The following SIM2 variants were observed in gnomAD, a reference collection of about 807,000 sequenced individuals.
The protein encoded by SIM2 is single-minded homolog 2.
A neutral mutation model predicts 64.8 loss-of-function variants in SIM2; 28 were observed. The ratio of observed to expected loss-of-function variants is 0.43; its 90% CI spans 0.32 to 0.59. The LOEUF is 0.59. SIM2 is among the 20% of genes least tolerant of loss of function. The pLI, the probability that SIM2 is intolerant of heterozygous loss-of-function variation, is 0.07. For missense variants in SIM2, 847 were observed against 871.4 expected (o/e 0.97, Z 0.35); for synonymous variants, 408 against 391.1 (o/e 1.04, Z -0.51).
chr21:36,729,286 G>A (rs567727975), intron 6 of SIM2, among the ~76,000 whole-genome samples: 1 of 152,250 alleles, frequency 6.6e-6, no homozygotes, highest in South Asian at 2.1e-4. Flanking sequence ...GCCACACAGA[G>A]TTAGATTCTG....
intron 7 of SIM2, among the ~76,000 whole-genome samples, chr21:36,737,982 A>AAAAAAAAAAAAAAAAAAAAAAAG (rs2089095780): frequency 5.6e-5 from 5 of 88,790 alleles, no homozygotes; most frequent in Admixed American, 1.0e-4. Context: ...AAAAAAAAAA[A>AAAAAAAAAAAAAAAAAAAAAAAG]GCAAAAAAAA....
chr21:36,715,274 C>CA (rs1274202350), intron 3 of SIM2, among the ~76,000 whole-genome samples: 1 of 152,182 alleles, frequency 6.6e-6, no homozygotes, highest in East Asian at 1.9e-4. Flanking sequence ...TAGGCAGAAT[C>CA]ACAATGTGTA....
intron 7 of SIM2, among the ~76,000 whole-genome samples, chr21:36,740,500 G>A (rs1407790390): frequency 2.0e-5 from 3 of 151,916 alleles, no homozygotes; most frequent in African/African-American, 2.4e-5. Flanking sequence ...CAATCTGTAC[G>A]AACCCCCTAT....
chr21:36,745,494 A>AT lies in SIM2; in HGVS notation c.1576+358_1576+359insT. ...ACACCCCAGCTGCATTTCTTTTGCAAGATTCCTTTCCACTCCAACCAGAAG... is the reference window on the plus strand; with the variant it reads ...ACACCCCAGCTGCATTTCTTTTGCAATGATTCCTTTCCACTCCAACCAGAAG... On this transcript the variant is annotated intron_variant, in intron 10 of 10. Coordinates refer to ENST00000290399, the MANE Select transcript of SIM2 (RefSeq NM_005069.6). This position sits in a 1 kb window ranked among gnomAD's most constrained non-coding sequence, Gnocchi z 4.8. The AT allele has an allele frequency of 1.7e-6, 2 of 1,158,582 alleles. No homozygotes were observed. The highest frequency in any genetic ancestry group is 2.2e-5 in the South Asian group (1 of 46,316). 71.8% of individuals were successfully genotyped at this position (1,158,582 alleles called of 1,614,324 possible).
In SIM2 at chr21:36,721,858, T is replaced by C. The variant is rs550717422; in HGVS notation, c.458-1187T>C. Among the ~76,000 whole-genome samples, 237 of 152,318 alleles carry C rather than the reference T, an allele frequency of 1.6e-3. 5 individuals carry two copies. The highest frequency in any genetic ancestry group is 5.4e-3 in the African/African-American group (226 of 41,570). On this transcript the variant is annotated intron_variant, in intron 4 of 10. Transcript: ENST00000290399. ...GATTATAAATGAGAGCAAATGAGTC[T>C]TGGGAATATCATGAGACCCTTTCAT...
chr21:36,747,659 C>T lies in SIM2; in HGVS notation c.1577-6C>T. On this transcript the variant is annotated splice_polypyrimidine_tract_variant and splice_region_variant and intron_variant, in intron 10 of 10. Transcript: ENST00000290399. The surrounding 1 kb of genome is among the most constrained non-coding windows in gnomAD (Gnocchi z 4.5). ...CTGCCCTCTAACGTGTCGCCTGTCC[C>T]CGCAGCGCCCGCCGCCGCCGTGCGC... 1.6e-6 allele frequency: 2 copies of T among 1,247,142 alleles called. No individual in the cohort carries two copies. The highest frequency in any genetic ancestry group is 2.0e-6 in the Non-Finnish European group (2 of 996,676). 77.3% of individuals were successfully genotyped at this position (1,247,142 alleles called of 1,614,324 possible).
At chr21:36,736,939 T>C (rs2089067698) in intron 7 of SIM2, among the ~76,000 whole-genome samples, 1 of 151,958 alleles carries the variant, frequency 6.6e-6, no homozygotes, top group Admixed American at 6.6e-5. Flanking sequence ...TCATTTTTAT[T>C]TTTTAGAGAC....
chr21:36,702,331 G>A (rs1245365422), intron 1 of SIM2, among the ~76,000 whole-genome samples: 1 of 152,220 alleles, frequency 6.6e-6, no homozygotes, highest in African/African-American at 2.4e-5. Flanking sequence ...TGGCCCTAGA[G>A]TTTTGGAAAG....
chr21:36,726,190 C>G lies in SIM2; in HGVS notation c.615C>G (p.Tyr205Ter). 6.2e-7 allele frequency: 1 copy of G among 1,614,078 alleles called. No individual in the cohort carries two copies. The highest frequency in any genetic ancestry group is 8.5e-7 in the Non-Finnish European group (1 of 1,180,042). Residue 205 changes from tyrosine to a stop codon, truncating the protein, a stop_gained, in exon 6 of 11, where the codon TAC becomes TAG. Transcript: ENST00000290399. LOFTEE classifies it high-confidence loss of function. The surrounding 1 kb of genome is among the most constrained non-coding windows in gnomAD (Gnocchi z 4.5). Reference protein sequence around the residue: ...MLDMSLYDSCYQIVGLVAVGQ... With the variant: ...MLDMSLYDSC ...ACATGTCCCTGTACGACTCCTGCTA[C>G]CAGATTGTGGGGCTGGTGGCCGTGG...
At chr21:36,718,388 T>G (rs973656463) in intron 3 of SIM2, among the ~76,000 whole-genome samples, 2 of 152,194 alleles carry the variant, frequency 1.3e-5, no homozygotes, top group African/African-American at 4.8e-5. Flanking sequence ...ATGGCCACTT[T>G]GCAGATAATC....
chr21:36,726,943 C>T lies in SIM2; in HGVS notation c.743+625C>T, dbSNP rs1347932653. Among the ~76,000 whole-genome samples the T allele has an allele frequency of 6.6e-6, 1 of 152,170 alleles. No individual in the cohort carries two copies. The highest frequency in any genetic ancestry group is 6.5e-5 in the Admixed American group (1 of 15,276). On this transcript the variant is annotated intron_variant, in intron 6 of 10. Coordinates refer to ENST00000290399, the MANE Select transcript of SIM2 (RefSeq NM_005069.6). The surrounding 1 kb of genome is among the most constrained non-coding windows in gnomAD (Gnocchi z 4.5). Reference sequence around the variant, plus strand: ...CTCTCCAGACCCGTGCTGGAGTGGCCTTCACTCTCCCCTAGAACCGGCTGC... The same window carrying T: ...CTCTCCAGACCCGTGCTGGAGTGGCTTTCACTCTCCCCTAGAACCGGCTGC...
Position 36,747,803 on chromosome 21 carries a change from C to A in SIM2, c.1715C>A (p.Ala572Glu), listed in dbSNP as rs2089250543. ...GCCGCCCGGGACGGGGCGCGGCTGG[C>A]GCTGGCCCGCGCGGCACCCGAGTGC... is the stretch of plus-strand genomic sequence containing the variant. ...RQAARDGARL[A>E]LARAAPECCA... Residue 572 changes from alanine to glutamate, a missense_variant, in exon 11 of 11, where the codon GCG becomes GAG. Physicochemically the swap from Ala to Glu is moderately radical, Grantham distance 107. This residue lies in a region of SIM2 where 447 missense variants were observed against 414.6 expected (regional missense o/e 1.08). Transcript: ENST00000290399. This position sits in a 1 kb window ranked among gnomAD's most constrained non-coding sequence, Gnocchi z 4.5. 9.6e-7 allele frequency: 1 copy of A among 1,037,818 alleles called. No homozygotes were observed. Among genetic ancestry groups the A allele is most frequent in the Non-Finnish European group, 1.2e-6 (1 of 867,614 alleles). The allele number at this position is 1,037,818 out of a possible 1,614,324, so 64.3% of individuals were successfully genotyped here.
chr21:36,744,825 A>T lies in SIM2; in HGVS notation c.1265A>T (p.Gln422Leu). 1 of 1,614,212 alleles carries T rather than the reference A, an allele frequency of 6.2e-7. No individual in the cohort carries two copies. The highest frequency in any genetic ancestry group is 8.5e-7 in the Non-Finnish European group (1 of 1,180,036). ...AGCGCTGCTGCTCCTCCAGAACTGC[A>T]GCCCCACTCAGAAAGCAGTGACCTT... ...PASAAAPPEL[Q>L]PHSESSDLLY... Residue 422 changes from glutamine (Q) to leucine (L), a missense_variant, in exon 10 of 11, where the codon CAG becomes CTG. Transcript: ENST00000290399.
At chr21:36,737,764 A>G (rs973675609) in intron 7 of SIM2, among the ~76,000 whole-genome samples, 2 of 152,068 alleles carry the variant, frequency 1.3e-5, no homozygotes, top group African/African-American at 4.8e-5. Flanking sequence ...GTTTGAGACC[A>G]GCCTGGCCAA....
Position 36,745,635 on chromosome 21 carries a change from G to A in SIM2, c.1576+499G>A. ...ACAGAAATGCCACTCACCAACCCAG[G>A]GCAAAGAACACAAACCCTCCAGGCC... On this transcript the variant is annotated intron_variant, in intron 10 of 10. Transcript: ENST00000290399. This position sits in a 1 kb window ranked among gnomAD's most constrained non-coding sequence, Gnocchi z 4.8. 4 of 1,145,012 alleles carry A rather than the reference G, an allele frequency of 3.5e-6. No homozygotes were observed. The highest frequency in any genetic ancestry group is 4.4e-6 in the Non-Finnish European group (4 of 910,752). The allele number at this position is 1,145,012 out of a possible 1,614,324, so 70.9% of individuals were successfully genotyped here. A position where few individuals can be genotyped will look rare whatever the true frequency, so the allele number is the denominator to read the frequency against.
At chr21:36,707,620 T>A (rs1372662303) in intron 1 of SIM2, among the ~76,000 whole-genome samples, 2 of 151,980 alleles carry the variant, frequency 1.3e-5, no homozygotes, top group Admixed American at 1.3e-4. Context: ...AGGTTTTTAG[T>A]TGCCGAATAG....
At chr21:36,704,447 T>A (rs533604497) in intron 1 of SIM2, among the ~76,000 whole-genome samples, 1 of 152,206 alleles carries the variant, frequency 6.6e-6, no homozygotes, top group African/African-American at 2.4e-5. Flanking sequence ...CAGCTGGGGA[T>A]CCAGGAGGGA....
In SIM2 at chr21:36,726,823, G is replaced by T. The variant is rs1186880059; in HGVS notation, c.743+505G>T. 2.0e-5 allele frequency among the ~76,000 whole-genome samples: 3 copies of T among 152,134 alleles called. No homozygotes were observed. The highest frequency in any genetic ancestry group is 1.3e-4 in the Admixed American group (2 of 15,274). ...AGCAGAGACGCTATCTACCCTGGGG[G>T]ATGCTCTTCCCACAGCTCATGGGTG... On this transcript the variant is annotated intron_variant, in intron 6 of 10. Coordinates refer to ENST00000290399, the MANE Select transcript of SIM2 (RefSeq NM_005069.6). This position sits in a 1 kb window ranked among gnomAD's most constrained non-coding sequence, Gnocchi z 4.5.
In SIM2 at chr21:36,745,561, C is replaced by T; in HGVS notation, c.1576+425C>T. The stretch of plus-strand genomic sequence containing the variant: ...ACGGCCTATTGGCTATTTTCCCATG[C>T]CAGTTTTGGAAGTGGGGAAAACTAT... On this transcript the variant is annotated intron_variant, in intron 10 of 10. Coordinates refer to ENST00000290399, the MANE Select transcript of SIM2 (RefSeq NM_005069.6). This position sits in a 1 kb window ranked among gnomAD's most constrained non-coding sequence, Gnocchi z 4.8. The T allele has an allele frequency of 2.7e-6, 3 of 1,109,746 alleles. No individual in the cohort carries two copies. Among genetic ancestry groups the T allele is most frequent in the Non-Finnish European group, 3.3e-6 (3 of 898,792 alleles). The allele number at this position is 1,109,746 out of a possible 1,614,324, so 68.7% of individuals were successfully genotyped here.
Sources: gnomAD v4.1 joint callset for allele counts (sites outside exome capture counted in the v4.1 genomes callset) on GRCh38, gnomAD v4.1.1 for gene constraint, gnomAD v4.1.1 regional missense constraint, Gnocchi (gnomAD v3.1) non-coding constraint, MANE v1.5 for transcripts, NCBI Gene and HGNC (gene_info 2026-07-23, HGNC 2026-07-21) for gene names.